ANKRD17: variants seen among roughly 807,000 people sequenced by gnomAD.
ANKRD17 encodes the protein ankyrin repeat domain 17.
A neutral mutation model predicts 229.7 loss-of-function variants in ANKRD17; 19 were observed. The observed-to-expected ratio is 0.08, with a 90% CI of 0.06 to 0.12. The LOEUF (loss-of-function observed/expected upper bound fraction) is 0.12. Ranked by LOEUF, ANKRD17 falls within the 10% of genes least tolerant of loss-of-function variation. The pLI is 1.00. For missense variants in ANKRD17, 2,176 were observed against 3,176.8 expected (o/e 0.68, Z 7.57); for synonymous variants, 1,112 against 1,146.1 (o/e 0.97, Z 0.60).
intron 1 of ANKRD17, among the ~76,000 whole-genome samples, chr4:73,224,190 T>C (rs933808669): frequency 2.0e-5 from 3 of 152,184 alleles, no homozygotes; most frequent in Non-Finnish European, 4.4e-5. Flanking sequence ...GAGGTGGATG[T>C]TGCCATTGTG....
At chr4:73,165,944 C>G (rs1181871087) in intron 2 of ANKRD17, among the ~76,000 whole-genome samples, 1 of 152,182 alleles carries the variant, frequency 6.6e-6, no homozygotes, top group Non-Finnish European at 1.5e-5. Flanking sequence ...TCACCCACAG[C>G]CTACAGATAA....
chr4:73,182,583 C>T (rs1735724333), intron 1 of ANKRD17, among the ~76,000 whole-genome samples: 1 of 152,120 alleles, frequency 6.6e-6, no homozygotes, highest in African/African-American at 2.4e-5. Context: ...TACCTGAACC[C>T]ATTGTTTAAT....
At chr4:73,142,101 C>G in intron 13 of ANKRD17, 141 bp downstream of exon 13, 1 of 906,170 alleles carries the variant, frequency 1.1e-6, no homozygotes, top group Non-Finnish European at 1.6e-6. Context: ...ACCAGATGTT[C>G]ATTAACTGTA....
chr4:73,212,926 C>T (rs920142788), intron 1 of ANKRD17, among the ~76,000 whole-genome samples: 7 of 149,034 alleles, frequency 4.7e-5, no homozygotes, highest in East Asian at 2.0e-4. Flanking sequence ...ACTCGGGAGG[C>T]GGAGACAGGA....
chr4:73,155,971 C>G, intron 4 of ANKRD17, 48 bp downstream of exon 4: 2 of 1,531,132 alleles, frequency 1.3e-6, no homozygotes, highest in Non-Finnish European at 8.7e-7. Flanking sequence ...AGTAAGCAAG[C>G]CAGTTTTTAA....
In ANKRD17 at chr4:73,121,774, G is replaced by C; in HGVS notation, c.3493-15C>G. The C allele has an allele frequency of 6.4e-7, 1 of 1,568,600 alleles. No individual in the cohort carries two copies. The highest frequency in any genetic ancestry group is 8.6e-7 in the Non-Finnish European group (1 of 1,164,822). The stretch of plus-strand genomic sequence containing the variant: ...AGCTCCACCACCTGAAAATAAAATA[G>C]AAAAAAATATGTTTTCTTATGGAGA... On this transcript the variant is annotated splice_polypyrimidine_tract_variant and intron_variant, in intron 18 of 33. Transcript: ENST00000358602.
intron 1 of ANKRD17, among the ~76,000 whole-genome samples, chr4:73,235,077 G>A (rs914840312): frequency 6.6e-6 from 1 of 152,040 alleles, no homozygotes; most frequent in Non-Finnish European, 1.5e-5. Context: ...TCCTCTGATG[G>A]TACCTGTAGT....
At chr4:73,238,387 G>A (rs1560774691) in intron 1 of ANKRD17, among the ~76,000 whole-genome samples, 1 of 152,140 alleles carries the variant, frequency 6.6e-6, no homozygotes, top group Non-Finnish European at 1.5e-5. Context: ...ACTGTAAGAG[G>A]TAATCTACAA....
chr4:73,091,768 T>C lies in ANKRD17; in HGVS notation c.5860A>G (p.Ser1954Gly). 1.9e-6 allele frequency: 3 copies of C among 1,614,196 alleles called. No homozygotes were observed. The highest frequency in any genetic ancestry group is 2.5e-6 in the Non-Finnish European group (3 of 1,180,042). Residue 1954 changes from serine (S) to glycine (G), a missense_variant, in exon 29 of 34, where the codon AGC becomes GGC. By Grantham distance (56) the Ser-to-Gly change is moderately conservative. Transcript: ENST00000358602. ...GCTGAATTCACCTGAGAACCACTGC[T>C]ATTCTGATTGCTATGGCGAGGCACC... ...HMVPRHSNQNSSGSQVNSAGS... is the reference protein window; with the variant it reads ...HMVPRHSNQNGSGSQVNSAGS...
chr4:73,224,561 T>C (rs1279435555), intron 1 of ANKRD17, among the ~76,000 whole-genome samples: 1 of 152,182 alleles, frequency 6.6e-6, no homozygotes, highest in African/African-American at 2.4e-5. Context: ...CAATATATGA[T>C]TTCTTTTTTT....
At chr4:73,172,996 T>C (rs896397727) in intron 2 of ANKRD17, among the ~76,000 whole-genome samples, 7 of 152,122 alleles carry the variant, frequency 4.6e-5, no homozygotes, top group Admixed American at 4.6e-4. Context: ...CTTAAAGGAC[T>C]ACAACCAAAA....
chr4:73,117,280 A>C (rs375064860), intron 22 of ANKRD17, among the ~76,000 whole-genome samples: 2 of 152,200 alleles, frequency 1.3e-5, no homozygotes, highest in African/African-American at 4.8e-5. Flanking sequence ...AGGAACAAGG[A>C]AAAGACCAAG....
At chr4:73,242,521 T>C (rs1479389391) in intron 1 of ANKRD17, among the ~76,000 whole-genome samples, 1 of 152,182 alleles carries the variant, frequency 6.6e-6, no homozygotes, top group Non-Finnish European at 1.5e-5. Flanking sequence ...GTATTATACA[T>C]ATATTTCTCT....
chr4:73,118,914 T>C, intron 21 of ANKRD17, 64 bp from the exon 22 acceptor site: 1 of 1,410,336 alleles, frequency 7.1e-7, no homozygotes, highest in Non-Finnish European at 9.4e-7. Flanking sequence ...TGATACAGGG[T>C]CTTGCTCTGT....
At chr4:73,253,370 T>G (rs1415926377) in intron 1 of ANKRD17, among the ~76,000 whole-genome samples, 1 of 152,240 alleles carries the variant, frequency 6.6e-6, no homozygotes, top group East Asian at 1.9e-4. Flanking sequence ...TAGCACATAG[T>G]AGGAACTCCA....
chr4:73,093,669 C>T (rs908378929), intron 28 of ANKRD17, among the ~76,000 whole-genome samples: 3 of 152,050 alleles, frequency 2.0e-5, no homozygotes, highest in African/African-American at 7.2e-5. Context: ...CCACCGTGCC[C>T]AGCCCAAGAA....
chr4:73,258,302 C>G lies in ANKRD17; in HGVS notation c.367G>C (p.Asp123His), dbSNP rs1312095685. The change falls in exon 1 of 34, where the codon GAC (aspartate) becomes CAC (histidine). Residue 123 changes from aspartate (D) to histidine (H), a missense_variant. Transcript: ENST00000358602. ...SNNSEEEEDDDDEEEEVSEVE... is the reference protein window; with the variant it reads ...SNNSEEEEDDHDEEEEVSEVE... ...TCAGAAACCTCCTCTTCCTCGTCGTCGTCGTCCTCTTCTTCCTCGCTGTTG... is the reference window on the plus strand; with the variant it reads ...TCAGAAACCTCCTCTTCCTCGTCGTGGTCGTCCTCTTCTTCCTCGCTGTTG... The G allele has an allele frequency of 6.2e-7, 1 of 1,613,876 alleles. No homozygotes were observed. The highest frequency in any genetic ancestry group is 1.7e-5 in the Admixed American group (1 of 60,028).
Position 73,077,457 on chromosome 4 carries a change from T to G in ANKRD17, c.7485A>C (p.Ser2495=). Residue 2495 remains serine, a synonymous_variant, in exon 32 of 34, where the codon TCA becomes TCC. Transcript: ENST00000358602. ...HRPMSDPGVF[S]QHQAMERDST... is the part of the protein sequence containing the mutation. ...TATCTCGCTCCATTGCTTGATGTTGTGAAAATACTCCTGGGTCAGACATCG... is the reference window on the plus strand; with the variant it reads ...TATCTCGCTCCATTGCTTGATGTTGGGAAAATACTCCTGGGTCAGACATCG... 1 of 1,613,862 alleles carries G rather than the reference T, an allele frequency of 6.2e-7. No individual in the cohort carries two copies. The highest frequency in any genetic ancestry group is 1.1e-5 in the South Asian group (1 of 91,052).
chr4:73,203,078 G>A (rs1366891310), intron 1 of ANKRD17, among the ~76,000 whole-genome samples: 4 of 152,210 alleles, frequency 2.6e-5, no homozygotes, highest in Non-Finnish European at 4.4e-5. Flanking sequence ...CATCAAGATA[G>A]CAGTAGAATT....
Sources: gnomAD v4.1 joint callset for allele counts (sites outside exome capture counted in the v4.1 genomes callset) on GRCh38, gnomAD v4.1.1 for gene constraint, MANE v1.5 for transcripts, NCBI Gene and HGNC (gene_info 2026-07-23, HGNC 2026-07-21) for gene names.